The following SATB2 variants were observed in gnomAD, a reference collection of about 807,000 sequenced individuals.
SATB2 encodes the protein SATB homeobox 2.
A neutral mutation model predicts 73.4 loss-of-function variants in SATB2; 1 was observed. The ratio of observed to expected loss-of-function variants is 0.01; its 90% CI spans 0.00 to 0.06. The LOEUF is 0.06. SATB2 is among the 10% of genes least tolerant of loss of function. The pLI is 1.00. For missense variants in SATB2, 459 were observed against 945.8 expected, an observed-to-expected ratio of 0.49 and a Z score of 6.75; for synonymous variants, 397 against 367.0, an observed-to-expected ratio of 1.08 and a Z score of -0.93.
intron 6 of SATB2, among the ~76,000 whole-genome samples, chr2:199,361,550 A>G (rs1689137718): frequency 6.7e-6 from 1 of 149,044 alleles, no homozygotes; most frequent in Non-Finnish European, 1.5e-5. Flanking sequence ...ACCCACTCAC[A>G]CCCTCATACA....
chr2:199,394,181 A>T (rs891947973), intron 3 of SATB2, among the ~76,000 whole-genome samples: 1 of 152,218 alleles, frequency 6.6e-6, no homozygotes, highest in East Asian at 1.9e-4. Flanking sequence ...CTGCACAAAT[A>T]AGTAATCCCC....
At chr2:199,433,815 G>T (rs981435507) in intron 2 of SATB2, among the ~76,000 whole-genome samples, 4 of 152,060 alleles carry the variant, frequency 2.6e-5, no homozygotes, top group African/African-American at 9.7e-5. Context: ...ATCTTTTAAT[G>T]TCTATAGTTT....
chr2:199,317,020 C>T (rs1346991614), intron 9 of SATB2, among the ~76,000 whole-genome samples: 1 of 151,918 alleles, frequency 6.6e-6, no homozygotes, highest in Non-Finnish European at 1.5e-5. Context: ...TTGCAAACTT[C>T]CTCAAGAAGT....
intron 6 of SATB2, among the ~76,000 whole-genome samples, chr2:199,364,664 A>G (rs1192285114): frequency 2.6e-5 from 4 of 152,134 alleles, no homozygotes; most frequent in Non-Finnish European, 5.9e-5. Flanking sequence ...ATAATTTTAT[A>G]ATAACCACCT....
At chr2:199,435,543 C>T (rs774276594) in intron 2 of SATB2, among the ~76,000 whole-genome samples, 1 of 152,046 alleles carries the variant, frequency 6.6e-6, no homozygotes, top group Admixed American at 6.6e-5. Flanking sequence ...GAGGTTTCTC[C>T]ATGTTGGCCA....
intron 10 of SATB2, among the ~76,000 whole-genome samples, chr2:199,298,353 T>C (rs1687179598): frequency 6.6e-6 from 1 of 152,214 alleles, no homozygotes; most frequent in Non-Finnish European, 1.5e-5. Flanking sequence ...GCCTTTCCTC[T>C]CTATCCAAAC....
At chr2:199,341,204 C>A (rs1296853629) in intron 7 of SATB2, among the ~76,000 whole-genome samples, 2 of 152,074 alleles carry the variant, frequency 1.3e-5, no homozygotes, top group Non-Finnish European at 2.9e-5. Flanking sequence ...AAGATGTAAA[C>A]AAATTAAATA....
upstream of SATB2, among the ~76,000 whole-genome samples, chr2:199,462,466 G>A (rs1692497216): frequency 6.6e-6 from 1 of 152,332 alleles, no homozygotes; most frequent in African/African-American, 2.4e-5. The surrounding 1 kb of genome is among the most constrained non-coding windows in gnomAD (Gnocchi z 5.9). Context: ...ACGCGCCTTG[G>A]AGGACGGTTC....
chr2:199,339,183 T>A (rs546635250), intron 7 of SATB2, among the ~76,000 whole-genome samples: 2 of 152,236 alleles, frequency 1.3e-5, no homozygotes, highest in East Asian at 1.9e-4. Context: ...GACCTATCAA[T>A]CCACGTTTTG....
chr2:199,339,188 G>A (rs1388194265), intron 7 of SATB2, among the ~76,000 whole-genome samples: 3 of 152,052 alleles, frequency 2.0e-5, no homozygotes, highest in Admixed American at 6.6e-5. Context: ...ATCAATCCAC[G>A]TTTTGTGGCT....
intron 10 of SATB2, among the ~76,000 whole-genome samples, chr2:199,276,679 T>C (rs1452502139): frequency 6.6e-6 from 1 of 152,232 alleles, no homozygotes; most frequent in Non-Finnish European, 1.5e-5. Flanking sequence ...TGAGATTTTC[T>C]TTATATTAAT....
intron 9 of SATB2, among the ~76,000 whole-genome samples, chr2:199,321,031 A>C (rs994786299): frequency 6.6e-6 from 1 of 152,078 alleles, no homozygotes; most frequent in Admixed American, 6.6e-5. Context: ...AAGCCCTTGC[A>C]TTTGGCTCTT....
intron 6 of SATB2, among the ~76,000 whole-genome samples, chr2:199,362,087 C>T (rs1319833138): frequency 6.6e-6 from 1 of 152,108 alleles, no homozygotes; most frequent in Non-Finnish European, 1.5e-5. Context: ...TCCCTATATC[C>T]AGCTAGTTCT....
At chr2:199,349,194 T>A in intron 6 of SATB2, 21 bp from the exon 7 acceptor site, 1 of 1,525,544 alleles carries the variant, frequency 6.6e-7, no homozygotes, top group East Asian at 2.3e-5. Context: ...ATAAAAGTGA[T>A]AATTAATCAT....
intron 10 of SATB2, among the ~76,000 whole-genome samples, chr2:199,293,717 G>A (rs1367514133): frequency 6.6e-6 from 1 of 152,140 alleles, no homozygotes; most frequent in Admixed American, 6.5e-5. Context: ...ATTGGAAGCT[G>A]AGGATTCGCT....
intron 4 of SATB2, 34 bp downstream of exon 4, chr2:199,381,660 C>T (rs771599548): frequency 3.1e-6 from 5 of 1,613,382 alleles, no homozygotes; most frequent in Non-Finnish European, 4.2e-6. Context: ...GCAGCTCTGA[C>T]AGTAAGGAAA....
At position 199,348,804 on chromosome 2, in the gene SATB2, G is replaced by A. The variant is rs1409295633; in HGVS notation, c.1070C>T (p.Ser357Phe). ...RAVKPEPTNSSVEVSPDIYQQ... is the reference protein window; with the variant it reads ...RAVKPEPTNSFVEVSPDIYQQ... Reference sequence around the variant, plus strand: ...GTAGATATCTGGAGAGACTTCCACGGAAGAGTTGGTTGGCTCTGGCTTAAC... The same window carrying A: ...GTAGATATCTGGAGAGACTTCCACGAAAGAGTTGGTTGGCTCTGGCTTAAC... The change falls in exon 7 of 11, where the codon TCC becomes TTC. Residue 357 changes from serine (S) to phenylalanine (F), a missense_variant. Ser to Phe is a radical substitution (Grantham distance 155). Transcript: ENST00000417098. 1 of 1,612,614 alleles carries A rather than the reference G, an allele frequency of 6.2e-7. No homozygotes were observed. Among genetic ancestry groups the A allele is most frequent in the Non-Finnish European group, 8.5e-7 (1 of 1,178,706 alleles).
intron 7 of SATB2, chr2:199,347,863 A>T (rs932258693): frequency 1.3e-5 from 2 of 152,148 alleles, no homozygotes; most frequent in Non-Finnish European, 2.9e-5. Flanking sequence ...GTTTTTCTCA[A>T]CATGCGGCCC....
intron 2 of SATB2, among the ~76,000 whole-genome samples, chr2:199,436,825 TA>T: frequency 6.9e-6 from 1 of 144,510 alleles, no homozygotes; most frequent in African/African-American, 2.6e-5. Flanking sequence ...AAAGGATGAG[TA>T]AAAATATATG....
Sources: gnomAD v4.1 joint callset for allele counts (sites outside exome capture counted in the v4.1 genomes callset) on GRCh38, gnomAD v4.1.1 for gene constraint, Gnocchi (gnomAD v3.1) non-coding constraint, MANE v1.5 for transcripts, NCBI Gene and HGNC (gene_info 2026-07-23, HGNC 2026-07-21) for gene names.